NSD1: variants seen among roughly 807,000 people sequenced by gnomAD.
NSD1 encodes the protein histone-lysine N-methyltransferase, H3 lysine-36 specific.
Under a neutral mutation model 242.7 loss-of-function variants are expected in NSD1, and 26 were observed. The ratio of observed to expected loss-of-function variants is 0.11; its 90% confidence interval spans 0.08 to 0.15. NSD1 has a LOEUF of 0.15. Ranked by LOEUF, NSD1 falls within the 10% of genes least tolerant of loss-of-function variation. The pLI is 1.00. For missense variants in NSD1, 2,495 were observed against 3,272.8 expected, an observed-to-expected ratio of 0.76 and a Z score of 5.80; for synonymous variants, 1,106 against 1,178.1, an observed-to-expected ratio of 0.94 and a Z score of 1.25.
Position 177,211,507 on chromosome 5 carries a change from C to G in NSD1, c.3108C>G (p.Ala1036=). 1 of 1,614,020 alleles carries G rather than the reference C, an allele frequency of 6.2e-7. No homozygotes were observed. Among genetic ancestry groups the G allele is most frequent in the Non-Finnish European group, 8.5e-7 (1 of 1,180,014 alleles). Residue 1036 remains alanine (A), a synonymous_variant, in exon 5 of 23, where the codon GCC becomes GCG. Coordinates refer to ENST00000439151, the MANE Select transcript of NSD1 (RefSeq NM_022455.5). ...CCAAATTGCGAGATGCTTTTTCAGCCCAAATGGTAAAGAACACAGTGAACC... is the reference window on the plus strand; with the variant it reads ...CCAAATTGCGAGATGCTTTTTCAGCGCAAATGGTAAAGAACACAGTGAACC... ...PSSKLRDAFS[A]QMVKNTVNRK... is the part of the protein sequence containing the mutation.
At chr5:177,191,479 C>G (rs1241147643) in intron 2 of NSD1, among the ~76,000 whole-genome samples, 1 of 151,966 alleles carries the variant, frequency 6.6e-6, no homozygotes, top group East Asian at 1.9e-4. Context: ...TCTGAAGTCT[C>G]TTGATATTAT....
At chr5:177,212,292 G>C (rs1763407445) in intron 5 of NSD1, 97 bp downstream of exon 5, 1 of 1,210,976 alleles carries the variant, frequency 8.3e-7, no homozygotes, top group Non-Finnish European at 1.2e-6. Flanking sequence ...GTAAAGTGAA[G>C]TATAAACTAG....
At chr5:177,142,125 C>T (rs748567460) in intron 2 of NSD1, among the ~76,000 whole-genome samples, 4 of 152,170 alleles carry the variant, frequency 2.6e-5, no homozygotes, top group African/African-American at 4.8e-5. Context: ...TGAGCCACTG[C>T]GCCCAGCCTA....
chr5:177,154,486 A>G (rs1460952660), intron 2 of NSD1, among the ~76,000 whole-genome samples: 2 of 152,222 alleles, frequency 1.3e-5, no homozygotes, highest in African/African-American at 4.8e-5. Context: ...GAATAGATAT[A>G]TGATTAAAAA....
At position 177,206,857 on chromosome 5, in the gene NSD1, T is replaced by TA. The variant is rs5873569; in HGVS notation, c.1236+2578dup. On this transcript the variant is annotated intron_variant, in intron 4 of 22. Transcript: ENST00000439151. ...ATTAGTGGATATGTGTTTCTGTGCT[T>TA]AAAAAAAAAAAAATACACACTACCA... 7.5e-4 allele frequency among the ~76,000 whole-genome samples: 109 copies of TA among 146,278 alleles called. 1 individual carries two copies. The highest frequency in any genetic ancestry group is 5.5e-3 in the East Asian group (28 of 5,060).
intron 5 of NSD1, among the ~76,000 whole-genome samples, chr5:177,235,509 A>G (rs2149883330): frequency 6.6e-6 from 1 of 152,300 alleles, no homozygotes; most frequent in South Asian, 2.1e-4. Flanking sequence ...GGTATATATT[A>G]GCTTTATATG....
chr5:177,145,075 A>G (rs569130595), intron 2 of NSD1, among the ~76,000 whole-genome samples: 1 of 145,838 alleles, frequency 6.9e-6, no homozygotes, highest in East Asian at 2.0e-4. Flanking sequence ...ACAGAGTGAG[A>G]CTTTGTCTCA....
In NSD1 at chr5:177,191,765, T is replaced by C. The variant is rs1761714097; in HGVS notation, c.928-119T>C. On this transcript the variant is annotated intron_variant, in intron 2 of 22. Coordinates refer to ENST00000439151, the MANE Select transcript of NSD1 (RefSeq NM_022455.5). ...ACTTATTTTGTAATTCTTTTTAGGC[T>C]AGAGTGTTTTCATTCTCAATTTTTC... The C allele has an allele frequency of 2.9e-5, 29 of 985,702 alleles. No homozygotes were observed. The South Asian group carries it at 4.0e-4, about 13-fold the overall frequency. 61.1% of individuals were successfully genotyped at this position (985,702 alleles called of 1,614,324 possible). A position where few individuals can be genotyped will look rare whatever the true frequency, so the allele number is the denominator to read the frequency against.
At chr5:177,175,675 A>G (rs956943781) in intron 2 of NSD1, among the ~76,000 whole-genome samples, 2 of 152,142 alleles carry the variant, frequency 1.3e-5, no homozygotes, top group African/African-American at 4.8e-5. Flanking sequence ...TTATTCTTGG[A>G]AAAGCAAATA....
intron 3 of NSD1, among the ~76,000 whole-genome samples, chr5:177,203,356 A>G (rs987195038): frequency 2.0e-5 from 3 of 152,046 alleles, no homozygotes; most frequent in Non-Finnish European, 4.4e-5. Flanking sequence ...AATTGTATGT[A>G]TAGAACTTTA....
At chr5:177,177,071 GT>G (rs1375046092) in intron 2 of NSD1, among the ~76,000 whole-genome samples, 5 of 152,196 alleles carry the variant, frequency 3.3e-5, no homozygotes, top group African/African-American at 1.2e-4. Context: ...GCTATGCACT[GT>G]TTTGTTTTGT....
At chr5:177,289,792 A>G (rs1330249972) in intron 21 of NSD1, among the ~76,000 whole-genome samples, 2 of 150,716 alleles carry the variant, frequency 1.3e-5, no homozygotes, top group Non-Finnish European at 3.0e-5. Context: ...TATCATTTCC[A>G]TGTCTATATT....
At chr5:177,230,110 A>G (rs918984643) in intron 5 of NSD1, among the ~76,000 whole-genome samples, 1 of 151,478 alleles carries the variant, frequency 6.6e-6, no homozygotes, top group Non-Finnish European at 1.5e-5. Context: ...ATGTTACTCT[A>G]TTTGTGTTTT....
At chr5:177,253,958 T>G (rs1025031447) in intron 12 of NSD1, among the ~76,000 whole-genome samples, 1 of 152,148 alleles carries the variant, frequency 6.6e-6, no homozygotes, top group Admixed American at 6.6e-5. Flanking sequence ...TTTCGGTTTT[T>G]GTTTTTGTTT....
At chr5:177,257,266 T>C (rs1756558802) in intron 13 of NSD1, 115 bp downstream of exon 13, 1 of 924,816 alleles carries the variant, frequency 1.1e-6, no homozygotes, top group Non-Finnish European at 1.6e-6. Context: ...AGTCTCGCTG[T>C]GTTGCCGAGG....
chr5:177,268,946 C>A (rs982311596), intron 15 of NSD1, among the ~76,000 whole-genome samples: 2 of 151,872 alleles, frequency 1.3e-5, no homozygotes, highest in African/African-American at 4.8e-5. Flanking sequence ...ATACTTGGGA[C>A]CTTGAATATA....
chr5:177,278,527 G>T (rs577877771), intron 17 of NSD1, among the ~76,000 whole-genome samples: 1 of 152,296 alleles, frequency 6.6e-6, no homozygotes, highest in South Asian at 2.1e-4. Flanking sequence ...GAAAGCATTT[G>T]AAAATTTAGA....
intron 14 of NSD1, chr5:177,265,826 T>C: frequency 7.1e-7 from 1 of 1,398,644 alleles, no homozygotes; most frequent in East Asian, 2.3e-5. Context: ...AAACTCGATG[T>C]TGAAGTAGGC....
chr5:177,241,386 T>A (rs1765854512), intron 8 of NSD1, among the ~76,000 whole-genome samples: 1 of 150,544 alleles, frequency 6.6e-6, no homozygotes, highest in Non-Finnish European at 1.5e-5. Context: ...CTGCGCATAA[T>A]CCCAGCTACT....
Sources: gnomAD v4.1 joint callset for allele counts (sites outside exome capture counted in the v4.1 genomes callset) on GRCh38, gnomAD v4.1.1 for gene constraint, MANE v1.5 for transcripts, NCBI Gene and HGNC (gene_info 2026-07-23, HGNC 2026-07-21) for gene names.